The following SCAND3 variants were observed in gnomAD, a reference collection of about 807,000 sequenced individuals.
SCAND3 encodes the protein SCAN domain-containing protein 3.
At chr6:28,588,200 CTG>C in the SCAND3 span, 4 of 152,160 alleles carry the variant, frequency 2.6e-5, no homozygotes, top group Non-Finnish European at 4.4e-5. The surrounding 1 kb of genome is among the most constrained non-coding windows in gnomAD (Gnocchi z 4.1). Flanking sequence ...GTCTGTGTGC[CTG>C]TGTCATCCAA....
At chr6:28,575,544 A>G in the SCAND3 span, 9 of 1,613,800 alleles carry the variant, frequency 5.6e-6, no homozygotes, top group Non-Finnish European at 7.6e-6. The surrounding 1 kb of genome is among the most constrained non-coding windows in gnomAD (Gnocchi z 4.2). Context: ...TGTACTCCCC[A>G]TCAGGATTCA....
the SCAND3 span, chr6:28,586,543 A>C: frequency 1.1e-5 from 17 of 1,614,112 alleles, no homozygotes; most frequent in Non-Finnish European, 1.3e-5. The surrounding 1 kb of genome is among the most constrained non-coding windows in gnomAD (Gnocchi z 4.4). Context: ...TCCTGATAGC[A>C]GAACTGCCTG....
At chr6:28,602,956 A>AATT in the SCAND3 span, among the ~76,000 whole-genome samples, 81 of 94,462 alleles carry the variant, frequency 8.6e-4, no homozygotes, top group African/African-American at 2.4e-3. Flanking sequence ...CCAAAAAAAA[A>AATT]TTTTTTTTTT....
At chr6:28,577,254 T>C in the SCAND3 span, among the ~76,000 whole-genome samples, 25 of 152,306 alleles carry the variant, frequency 1.6e-4, no homozygotes, top group South Asian at 5.0e-3. Flanking sequence ...GGAAAAAAAC[T>C]ATTTTGGAAA....
At chr6:28,600,129 A>C in the SCAND3 span, among the ~76,000 whole-genome samples, 1 of 152,040 alleles carries the variant, frequency 6.6e-6, no homozygotes, top group Admixed American at 6.6e-5. Context: ...AAAAAAAAAT[A>C]AGTTGGATTT....
At chr6:28,572,518 G>T in the SCAND3 span, 1 of 1,613,474 alleles carries the variant, frequency 6.2e-7, no homozygotes, top group African/African-American at 1.3e-5. This position sits in a 1 kb window ranked among gnomAD's most constrained non-coding sequence, Gnocchi z 4.1. Flanking sequence ...AAAATAAGTT[G>T]CATTCTTCCC....
At chr6:28,575,793 A>G in the SCAND3 span, 1 of 1,614,078 alleles carries the variant, frequency 6.2e-7, no homozygotes, top group Non-Finnish European at 8.5e-7. This position sits in a 1 kb window ranked among gnomAD's most constrained non-coding sequence, Gnocchi z 4.2. Context: ...ATAAGTCCTC[A>G]CTGTGTAAGT....
chr6:28,595,461 G>A, the SCAND3 span, among the ~76,000 whole-genome samples: 3 of 151,650 alleles, frequency 2.0e-5, no homozygotes, highest in Non-Finnish European at 2.9e-5. Context: ...AGTGGCTCAC[G>A]CCTGTAATCC....
At chr6:28,580,441 CAA>C in the SCAND3 span, among the ~76,000 whole-genome samples, 46 of 124,916 alleles carry the variant, frequency 3.7e-4, no homozygotes, top group Non-Finnish European at 5.6e-4. Flanking sequence ...GACTCCGTCT[CAA>C]AAAAAAAAAA....
the SCAND3 span, among the ~76,000 whole-genome samples, chr6:28,595,970 G>C: frequency 6.6e-6 from 1 of 152,184 alleles, no homozygotes; most frequent in Non-Finnish European, 1.5e-5. Flanking sequence ...GTCCAGAGGA[G>C]GGTGAGAGGA....
At chr6:28,583,442 C>G in the SCAND3 span, among the ~76,000 whole-genome samples, 3 of 152,110 alleles carry the variant, frequency 2.0e-5, no homozygotes, top group African/African-American at 7.2e-5. Flanking sequence ...ATATAATCAT[C>G]AAAAATCCAA....
the SCAND3 span, among the ~76,000 whole-genome samples, chr6:28,584,014 G>A: frequency 6.6e-6 from 1 of 152,022 alleles, no homozygotes; most frequent in Non-Finnish European, 1.5e-5. Flanking sequence ...ATTAAATCAG[G>A]GAGAATTGTA....
chr6:28,609,350 A>G, the SCAND3 span, among the ~76,000 whole-genome samples: 100 of 152,294 alleles, frequency 6.6e-4, no homozygotes, highest in African/African-American at 2.3e-3. Context: ...CACACACAAA[A>G]TAGCTTTTCC....
the SCAND3 span, chr6:28,590,319 A>T: frequency 6.6e-6 from 1 of 152,080 alleles, no homozygotes; most frequent in East Asian, 1.9e-4. Flanking sequence ...ACTACCAAAC[A>T]CTCGGTCCGA....
At chr6:28,603,918 C>A in the SCAND3 span, among the ~76,000 whole-genome samples, 1 of 152,156 alleles carries the variant, frequency 6.6e-6, no homozygotes, top group Non-Finnish European at 1.5e-5. Flanking sequence ...TGATACTTGG[C>A]AAGGGCTATT....
chr6:28,604,101 T>A, the SCAND3 span, among the ~76,000 whole-genome samples: 1 of 152,186 alleles, frequency 6.6e-6, no homozygotes, highest in African/African-American at 2.4e-5. Context: ...TCAAAGCAGA[T>A]CACAAAGGCA....
the SCAND3 span, among the ~76,000 whole-genome samples, chr6:28,581,803 A>G: frequency 6.6e-6 from 1 of 152,238 alleles, no homozygotes. Context: ...ACTCTAGAAC[A>G]AGGAAGCCTG....
chr6:28,572,639 C>T, the SCAND3 span: 1 of 1,613,972 alleles, frequency 6.2e-7, no homozygotes. This position sits in a 1 kb window ranked among gnomAD's most constrained non-coding sequence, Gnocchi z 4.1. Flanking sequence ...GGTTTCTTGC[C>T]TTGCAGAAAC....
chr6:28,580,841 C>T, the SCAND3 span, among the ~76,000 whole-genome samples: 2 of 133,122 alleles, frequency 1.5e-5, no homozygotes, highest in Admixed American at 1.7e-4. Flanking sequence ...CTCTTGATTC[C>T]TCTACTTTTC....
Sources: gnomAD v4.1 joint callset for allele counts (sites outside exome capture counted in the v4.1 genomes callset) on GRCh38, gnomAD v4.1.1 for gene constraint, Gnocchi (gnomAD v3.1) non-coding constraint, MANE v1.5 for transcripts, NCBI Gene and HGNC (gene_info 2026-07-23, HGNC 2026-07-21) for gene names.